The following CTNND2 variants were observed in gnomAD, a reference collection of about 807,000 sequenced individuals.
CTNND2 encodes the protein catenin delta-2.
Under a neutral mutation model 144.4 loss-of-function variants are expected in CTNND2, and 22 were observed. The observed-to-expected ratio is 0.15, with a 90% CI of 0.11 to 0.22. CTNND2 has a LOEUF of 0.22. Ranked by LOEUF, CTNND2 falls within the 10% of genes least tolerant of loss-of-function variation. The probability of loss-of-function intolerance (pLI) is 1.00; values close to 1 mark genes in which losing one functional copy is unlikely to be tolerated. For missense variants in CTNND2, 1,353 were observed against 1,618.8 expected (o/e 0.84, Z 2.82); for synonymous variants, 751 against 695.6 (o/e 1.08, Z -1.25).
At chr5:11,272,703 A>G (rs1746144212) in intron 9 of CTNND2, among the ~76,000 whole-genome samples, 2 of 152,202 alleles carry the variant, frequency 1.3e-5, no homozygotes, top group Admixed American at 1.3e-4. Flanking sequence ...ATGCCATAAA[A>G]ATATCATCAT....
intron 3 of CTNND2, among the ~76,000 whole-genome samples, chr5:11,489,499 T>C (rs558132449): frequency 2.6e-5 from 4 of 152,174 alleles, no homozygotes; most frequent in Admixed American, 2.6e-4. Context: ...TTTCAAAAAT[T>C]CAATAAATGT....
intron 3 of CTNND2, among the ~76,000 whole-genome samples, chr5:11,495,871 A>T (rs1769884173): frequency 6.6e-6 from 1 of 151,196 alleles, no homozygotes; most frequent in Non-Finnish European, 1.5e-5. Context: ...CTCTGCTCCC[A>T]CTCCCCCCAG....
Position 11,110,865 on chromosome 5 carries a change from T to C in CTNND2, c.2456A>G (p.Gln819Arg), listed in dbSNP as rs1391697927. Residue 819 changes from glutamine to arginine, a missense_variant, in exon 14 of 22, where the codon CAA (glutamine) becomes CGA (arginine). This residue lies in a region of CTNND2 where 459 missense variants were observed against 674.3 expected (regional missense o/e 0.68). Transcript: ENST00000304623. Reference protein sequence around the residue: ...WGKKKKKKKSQDQWDGVGPLP... With the variant: ...WGKKKKKKKSRDQWDGVGPLP... ...GCAAGCAGCCTGCATCACCTGATCT[T>C]GGGATTTCTTTTTCTTCTTCTTCTT... is the stretch of plus-strand genomic sequence containing the variant. 2 of 1,612,312 alleles carry C rather than the reference T, an allele frequency of 1.2e-6. No homozygotes were observed. Among genetic ancestry groups the C allele is most frequent in the South Asian group, 1.1e-5 (1 of 91,070 alleles).
chr5:11,187,709 G>A (rs1312732246), intron 11 of CTNND2, among the ~76,000 whole-genome samples: 1 of 152,048 alleles, frequency 6.6e-6, no homozygotes, highest in East Asian at 1.9e-4. Context: ...CTATCTATCT[G>A]CAAAGGTCTA....
At chr5:11,875,165 C>T (rs548544094) in intron 1 of CTNND2, among the ~76,000 whole-genome samples, 4 of 152,134 alleles carry the variant, frequency 2.6e-5, no homozygotes, top group Non-Finnish European at 5.9e-5. Context: ...ATTGTTCAAT[C>T]ATTCTGGTAG....
chr5:11,419,430 A>G (rs547697725), intron 3 of CTNND2, among the ~76,000 whole-genome samples: 5 of 152,338 alleles, frequency 3.3e-5, no homozygotes, highest in Non-Finnish European at 5.9e-5. Flanking sequence ...ATGATGCCAA[A>G]CAATTCTGAA....
intron 12 of CTNND2, among the ~76,000 whole-genome samples, chr5:11,152,929 C>T (rs1757874918): frequency 6.6e-6 from 1 of 152,040 alleles, no homozygotes; most frequent in Non-Finnish European, 1.5e-5. Context: ...GTTCCCATGT[C>T]CACACAGAGT....
intron 3 of CTNND2, among the ~76,000 whole-genome samples, chr5:11,546,843 C>A (rs1775278651): frequency 6.6e-6 from 1 of 152,028 alleles, no homozygotes; most frequent in African/African-American, 2.4e-5. Context: ...TGACACAAGG[C>A]AGATATGGCA....
At position 11,679,385 on chromosome 5, in the gene CTNND2, G is replaced by A. The variant is rs115978597; in HGVS notation, c.174+52751C>T. 5.9e-3 allele frequency among the ~76,000 whole-genome samples: 896 copies of A among 152,274 alleles called. 9 individuals carry two copies. The highest frequency in any genetic ancestry group is 0.02 in the African/African-American group (835 of 41,540). On this transcript the variant is annotated intron_variant, in intron 2 of 21. Coordinates refer to ENST00000304623, the MANE Select transcript of CTNND2 (RefSeq NM_001332.4). ...AATATGGAGATTAAAACTGATGCTT[G>A]TATCTCTATCAGAATTAAAATGCTG...
At chr5:11,042,605 A>T (rs1376733886) in intron 16 of CTNND2, among the ~76,000 whole-genome samples, 1 of 152,248 alleles carries the variant, frequency 6.6e-6, no homozygotes, top group Non-Finnish European at 1.5e-5. Context: ...GGGACTTACC[A>T]GCCAAGCCAA....
chr5:11,151,683 G>A (rs1757770881), intron 12 of CTNND2, among the ~76,000 whole-genome samples: 1 of 152,188 alleles, frequency 6.6e-6, no homozygotes, highest in African/African-American at 2.4e-5. Context: ...CAGTTGGAGT[G>A]TGCAAATTTT....
intron 1 of CTNND2, among the ~76,000 whole-genome samples, chr5:11,873,189 C>T (rs1735292785): frequency 6.6e-6 from 1 of 152,088 alleles, no homozygotes; most frequent in African/African-American, 2.4e-5. Flanking sequence ...CTGTCCAAAA[C>T]CCGTATATAG....
chr5:11,149,080 A>C (rs1175482800), intron 12 of CTNND2, among the ~76,000 whole-genome samples: 1 of 152,208 alleles, frequency 6.6e-6, no homozygotes, highest in Non-Finnish European at 1.5e-5. Context: ...CTGCCCTTCA[A>C]GCCCCATCAG....
chr5:11,564,998 C>T lies in CTNND2; in HGVS notation c.233G>A (p.Ser78Asn). 1 of 1,614,132 alleles carries T rather than the reference C, an allele frequency of 6.2e-7. No individual in the cohort carries two copies. The highest frequency in any genetic ancestry group is 8.5e-7 in the Non-Finnish European group (1 of 1,179,978). The change falls in exon 3 of 22, where the codon AGC (serine) becomes AAC (asparagine). Residue 78 changes from serine (S) to asparagine (N), a missense_variant. Ser to Asn is a conservative substitution (Grantham distance 46, BLOSUM62 1). Coordinates refer to ENST00000304623, the MANE Select transcript of CTNND2 (RefSeq NM_001332.4). ...ELEAERQIVA[S>N]QLERCKLGSE... ...TCCGAGCTTGCATCGCTCCAGCTGG[C>T]TGGCTACGATCTGCCGTTCAGCCTC...
At position 10,988,814 on chromosome 5, in the gene CTNND2, C is replaced by A. The variant is rs538458981; in HGVS notation, c.3212-572G>T. 2.0e-5 allele frequency among the ~76,000 whole-genome samples: 3 copies of A among 152,156 alleles called. No individual in the cohort carries two copies. The highest frequency in any genetic ancestry group is 1.9e-4 in the East Asian group (1 of 5,162). ...AAATAACCAAGCCCACAAAGACCTTCTTTGTCTGTGGCTGGGGTGGGCTGG... is the reference window on the plus strand; with the variant it reads ...AAATAACCAAGCCCACAAAGACCTTATTTGTCTGTGGCTGGGGTGGGCTGG... On this transcript the variant is annotated intron_variant, in intron 19 of 21. Transcript: ENST00000304623. The surrounding 1 kb of genome is among the most constrained non-coding windows in gnomAD (Gnocchi z 5.9).
At chr5:10,976,352 A>T (rs1411627957) in intron 21 of CTNND2, among the ~76,000 whole-genome samples, 1 of 152,210 alleles carries the variant, frequency 6.6e-6, no homozygotes, top group Admixed American at 6.5e-5. Context: ...CCCTCCTCAC[A>T]TAAGAGCTAA....
At position 11,199,541 on chromosome 5, in the gene CTNND2, TATC is replaced by T. The variant is rs1170722148; in HGVS notation, c.1879_1881del (p.Asp627del). 1.2e-6 allele frequency: 2 copies of T among 1,614,102 alleles called. No individual in the cohort carries two copies. Among genetic ancestry groups the T allele is most frequent in the Non-Finnish European group, 1.7e-6 (2 of 1,180,042 alleles). The stretch of plus-strand genomic sequence containing the variant: ...CCACAGTTTTTCAGGGCAATTTTGT[TATC>T]ATCGTTGGCCTTCCCATACACCAGG... On this transcript the variant is annotated inframe_deletion, in exon 11 of 22. Transcript: ENST00000304623.
At chr5:11,304,548 A>T (rs1011811816) in intron 9 of CTNND2, among the ~76,000 whole-genome samples, 1 of 152,214 alleles carries the variant, frequency 6.6e-6, no homozygotes, top group Non-Finnish European at 1.5e-5. Context: ...AAAAATATAA[A>T]ACTACAAATA....
chr5:11,685,631 C>T (rs550577220), intron 2 of CTNND2, among the ~76,000 whole-genome samples: 38 of 152,284 alleles, frequency 2.5e-4, no homozygotes, highest in Non-Finnish European at 4.6e-4. Context: ...AAAGACTTTG[C>T]ATATATCCAC....
Sources: allele counts gnomAD v4.1 joint callset (sites outside exome capture counted in the v4.1 genomes callset), GRCh38; gene constraint gnomAD v4.1.1; regional missense constraint gnomAD v4.1.1; non-coding constraint Gnocchi (gnomAD v3.1); transcripts MANE v1.5; gene names NCBI Gene and HGNC (gene_info 2026-07-23, HGNC 2026-07-21).